The following SPINK14 variants were observed in gnomAD, a reference collection of about 807,000 sequenced individuals.
SPINK14 encodes the protein serine peptidase inhibitor Kazal type 14 (putative).
SPINK14 carries 6 observed loss-of-function variants against 14.2 expected under a neutral mutation model. That is an observed-to-expected ratio of 0.42 (90% confidence interval 0.23 to 0.83). The LOEUF (loss-of-function observed/expected upper bound fraction) is 0.83. Ranked by LOEUF, SPINK14 falls within the 40% of genes least tolerant of loss-of-function variation. The probability of loss-of-function intolerance (pLI) is 0.28; values close to 1 mark genes in which losing one functional copy is unlikely to be tolerated. For synonymous variants in SPINK14, 34 were observed against 36.8 expected (o/e 0.92, Z 0.27); for missense variants, 86 against 108.3 (o/e 0.79, Z 0.91).
chr5:148,172,386 AAGAG>A (rs370620148), intron 3 of SPINK14, among the ~76,000 whole-genome samples: 5 of 151,584 alleles, frequency 3.3e-5, no homozygotes, highest in South Asian at 2.1e-4. Context: ...ACTTCCTCCA[AAGAG>A]AGAGAGAGAG....
In SPINK14 at chr5:148,172,247, G is replaced by C. The variant is rs866925240; in HGVS notation, c.111+1274G>C. Among the ~76,000 whole-genome samples, 104 of 152,056 alleles carry C rather than the reference G, an allele frequency of 6.8e-4. 2 individuals carry two copies. The highest frequency in any genetic ancestry group is 3.1e-4 in the Non-Finnish European group (21 of 67,980). ...AAAAAGTAGCCACCCAGGTGAAGAG[G>C]GGGGAGAAAGACCTTACCTACCTGG... On this transcript the variant is annotated intron_variant, in intron 3 of 4. Transcript: ENST00000356972.
chr5:148,173,593 A>G lies in SPINK14; in HGVS notation c.112-641A>G, dbSNP rs764265838. 6.1e-5 allele frequency among the ~76,000 whole-genome samples: 6 copies of G among 97,952 alleles called. 2 individuals are homozygous for G. The highest frequency in any genetic ancestry group is 1.3e-4 in the Non-Finnish European group (6 of 45,580). The allele number at this position is 97,952 out of a possible 152,430, so 64.3% of individuals were successfully genotyped here. A position where few individuals can be genotyped will look rare whatever the true frequency, so the allele number is the denominator to read the frequency against. On this transcript the variant is annotated intron_variant, in intron 3 of 4. Coordinates refer to ENST00000356972, the MANE Select transcript of SPINK14 (RefSeq NM_001001325.2). Reference sequence around the variant, plus strand: ...GCTGAGCTGTCATAGAAAGTCTCTAAGAATCTTTCCAGATCTAATAATTGG... The same window carrying G: ...GCTGAGCTGTCATAGAAAGTCTCTAGGAATCTTTCCAGATCTAATAATTGG...
Position 148,175,334 on chromosome 5 carries a change from A to T in SPINK14, c.249-19A>T. 1 of 1,522,950 alleles carries T rather than the reference A, an allele frequency of 6.6e-7. No individual in the cohort carries two copies. Among genetic ancestry groups the T allele is most frequent in the Non-Finnish European group, 9.0e-7 (1 of 1,105,224 alleles). The allele number at this position is 1,522,950 out of a possible 1,614,324, so 94.3% of individuals were successfully genotyped here. On this transcript the variant is annotated intron_variant, in intron 4 of 4. Transcript: ENST00000356972. ...CATTGTATTACTAAATGAAATGTTT[A>T]TTCTGATTCTTCCTTTAGGAAATCT...
rs1755143345 is a variant in SPINK14 at position 148,174,496 on chromosome 5, A to G, written c.248+126A>G. The G allele has an allele frequency of 3.7e-6, 2 of 534,116 alleles. 1 individual carries two copies. Among genetic ancestry groups the G allele is most frequent in the East Asian group, 6.8e-5 (2 of 29,576 alleles). 33.1% of individuals were successfully genotyped at this position (534,116 alleles called of 1,614,324 possible). On this transcript the variant is annotated intron_variant, in intron 4 of 4. Transcript: ENST00000356972. ...ATTTGCTCCAGTTCACACAGATAAT[A>G]ATCAGCACCCACTCAGAAAAGCACA...
At chr5:148,170,888 A>G in intron 2 of SPINK14, 42 bp from the exon 3 acceptor site, 1 of 1,561,592 alleles carries the variant, frequency 6.4e-7, no homozygotes, top group Non-Finnish European at 8.8e-7. Flanking sequence ...GCTATGATTT[A>G]ACAGGAATTA....
At position 148,170,027 on chromosome 5, in the gene SPINK14, A is replaced by G. The variant is rs1202807113; in HGVS notation, c.67+228A>G. ...CAAAATGAAGGTCTCTGCCCATTGA[A>G]TCAGTATTTTAGACTCTCTCTGTCT... On this transcript the variant is annotated intron_variant, in intron 2 of 4. Coordinates refer to ENST00000356972, the MANE Select transcript of SPINK14 (RefSeq NM_001001325.2). Among the ~76,000 whole-genome samples the G allele has an allele frequency of 4.1e-5, 6 of 148,122 alleles. No homozygotes were observed. In the Admixed American group the frequency reaches 4.1e-4, roughly 10 times the overall value.
intron 2 of SPINK14, 116 bp downstream of exon 2, chr5:148,169,915 T>G: frequency 3.8e-6 from 2 of 522,214 alleles, no homozygotes; most frequent in Non-Finnish European, 6.3e-6. Context: ...TATATATATA[T>G]GTGTATATAT....
chr5:148,171,097 T>C (rs1295039073), intron 3 of SPINK14, 124 bp downstream of exon 3: 1 of 866,550 alleles, frequency 1.2e-6, no homozygotes, highest in African/African-American at 1.7e-5. Context: ...GGCCTATTTG[T>C]ACGAGGGTGG....
chr5:148,171,121 G>A lies in SPINK14; in HGVS notation c.111+148G>A, dbSNP rs1318305648. On this transcript the variant is annotated intron_variant, in intron 3 of 4. Coordinates refer to ENST00000356972, the MANE Select transcript of SPINK14 (RefSeq NM_001001325.2). The stretch of plus-strand genomic sequence containing the variant: ...GTACGAGGGTGGTGGATACACTGCT[G>A]AAACAGTACCCCAGAGTAGAGATCC... 9.8e-6 allele frequency: 7 copies of A among 714,722 alleles called. No individual in the cohort carries two copies. The African/African-American group carries it at 1.3e-4, about 13-fold the overall frequency. 44.3% of individuals were successfully genotyped at this position (714,722 alleles called of 1,614,324 possible). A position where few individuals can be genotyped will look rare whatever the true frequency, so the allele number is the denominator to read the frequency against.
rs766803024 is a variant in SPINK14 at position 148,173,280 on chromosome 5, C to G, written c.112-954C>G. Among the ~76,000 whole-genome samples the G allele has an allele frequency of 7.9e-5, 12 of 152,100 alleles. 1 individual carries two copies. Among genetic ancestry groups the G allele is most frequent in the Non-Finnish European group, 1.3e-4 (9 of 68,022 alleles). ...AGTCCCTGAGAACACTAGCCTCAAG[C>G]TTCATAATCCCAGAGTCACTACTTC... On this transcript the variant is annotated intron_variant, in intron 3 of 4. Transcript: ENST00000356972.
In SPINK14 at chr5:148,174,225, C is replaced by T; in HGVS notation, c.112-9C>T. 9.0e-7 allele frequency: 1 copy of T among 1,110,182 alleles called. No homozygotes were observed. The highest frequency in any genetic ancestry group is 1.2e-6 in the Non-Finnish European group (1 of 808,010). 68.8% of individuals were successfully genotyped at this position (1,110,182 alleles called of 1,614,324 possible). A position where few individuals can be genotyped will look rare whatever the true frequency, so the allele number is the denominator to read the frequency against. On this transcript the variant is annotated splice_polypyrimidine_tract_variant and intron_variant, in intron 3 of 4. Coordinates refer to ENST00000356972, the MANE Select transcript of SPINK14 (RefSeq NM_001001325.2). Reference sequence around the variant, plus strand: ...TCTAACTGGATAAATCTTTTCAACTCAATTTCAGGTGAAATGTCCATATGA... The same window carrying T: ...TCTAACTGGATAAATCTTTTCAACTTAATTTCAGGTGAAATGTCCATATGA...
rs1755138753 is a variant in SPINK14, at chr5:148,173,978, C to T, written c.112-256C>T. Reference sequence around the variant, plus strand: ...GCCCCATCCTTCTGAGAAGCTGGGACTGCAGGCGTGCACCACCATGCCAGG... The same window carrying T: ...GCCCCATCCTTCTGAGAAGCTGGGATTGCAGGCGTGCACCACCATGCCAGG... On this transcript the variant is annotated intron_variant, in intron 3 of 4. Transcript: ENST00000356972. Among the ~76,000 whole-genome samples, 2 of 84,290 alleles carry T rather than the reference C, an allele frequency of 2.4e-5. 1 individual carries two copies. The highest frequency in any genetic ancestry group is 4.9e-5 in the Non-Finnish European group (2 of 40,968). 55.3% of individuals were successfully genotyped at this position (84,290 alleles called of 152,430 possible).
chr5:148,168,675 G>C (rs1755061778), intron 1 of SPINK14, among the ~76,000 whole-genome samples, 108 bp downstream of exon 1: 2 of 152,108 alleles, frequency 1.3e-5, no homozygotes, highest in African/African-American at 2.4e-5. Context: ...TCTGGAGGAA[G>C]CCAGGGAAAA....
Position 148,175,335 on chromosome 5 carries a change from T to A in SPINK14, c.249-18T>A. ...ATTGTATTACTAAATGAAATGTTTA[T>A]TCTGATTCTTCCTTTAGGAAATCTC... is the stretch of plus-strand genomic sequence containing the variant. On this transcript the variant is annotated intron_variant, in intron 4 of 4. Transcript: ENST00000356972. The A allele has an allele frequency of 1.3e-6, 2 of 1,527,342 alleles. No homozygotes were observed. The highest frequency in any genetic ancestry group is 1.8e-6 in the Non-Finnish European group (2 of 1,108,826). 94.6% of individuals were successfully genotyped at this position (1,527,342 alleles called of 1,614,324 possible).
intron 2 of SPINK14, among the ~76,000 whole-genome samples, chr5:148,170,125 C>G (rs1479265325): frequency 3.4e-5 from 5 of 146,216 alleles, no homozygotes; most frequent in Non-Finnish European, 7.5e-5. Context: ...TCTGAGTATA[C>G]TCAGAGTATA....
At chr5:148,171,690 T>C (rs889528828) in intron 3 of SPINK14, among the ~76,000 whole-genome samples, 4 of 152,202 alleles carry the variant, frequency 2.6e-5, no homozygotes, top group Non-Finnish European at 5.9e-5. Flanking sequence ...ATTTTATTTC[T>C]TCTTTGTAAA....
intron 2 of SPINK14, 121 bp from the exon 3 acceptor site, chr5:148,170,809 T>G (rs753848799): frequency 3.3e-5 from 27 of 820,508 alleles, no homozygotes; most frequent in Non-Finnish European, 5.0e-5. Flanking sequence ...ATAAATGAAA[T>G]AATGTTTTCC....
chr5:148,172,789 G>A (rs1755124401), intron 3 of SPINK14, among the ~76,000 whole-genome samples: 1 of 98,468 alleles, frequency 1.0e-5, no homozygotes, highest in South Asian at 2.9e-4. Flanking sequence ...TATTTGGTGG[G>A]GTGGTTATGA....
chr5:148,170,169 T>TACACAC (rs777519973), intron 2 of SPINK14, among the ~76,000 whole-genome samples: 7,271 of 105,338 alleles, frequency 0.069, 228 homozygotes, highest in Non-Finnish European at 0.1. Flanking sequence ...TATATATATA[T>TACACAC]ATATACACAC....
Sources: allele counts gnomAD v4.1 joint callset (sites outside exome capture counted in the v4.1 genomes callset), GRCh38; gene constraint gnomAD v4.1.1; transcripts MANE v1.5; gene names NCBI Gene and HGNC (gene_info 2026-07-23, HGNC 2026-07-21).